The following ADGRG4 variants were observed in gnomAD, a reference collection of about 807,000 sequenced individuals.
ADGRG4 encodes G protein-coupled receptor 112.
In ADGRG4, 122 loss-of-function variants were observed where a neutral mutation model predicts 126.2. That is an observed-to-expected ratio of 0.97 (90% CI 0.83 to 1.12). ADGRG4 has a LOEUF of 1.12. Ranked by LOEUF, ADGRG4 falls within the 50% of genes most tolerant of loss-of-function variation. The pLI, the probability that ADGRG4 is intolerant of heterozygous loss-of-function variation, is 0.00. For synonymous variants in ADGRG4, 943 were observed against 838.7 expected, an observed-to-expected ratio of 1.12 and a Z score of -2.15; for missense variants, 2,481 against 2,251.8, an observed-to-expected ratio of 1.10 and a Z score of -2.06.
In ADGRG4 at chrX:136,349,500, A is replaced by G; in HGVS notation, c.5794A>G (p.Lys1932Glu). ...FTASQTGLVS[K>E]DVMAMSSIPM... ...AGCCTCTCAGACTGGTCTAGTATCTAAAGATGTCATGGCAATGTCATCAAT... is the reference window on the plus strand; with the variant it reads ...AGCCTCTCAGACTGGTCTAGTATCTGAAGATGTCATGGCAATGTCATCAAT... The change falls in exon 6 of 26, where the codon AAA becomes GAA. Residue 1932 changes from lysine (K) to glutamate (E), a missense_variant. Coordinates refer to ENST00000394143, the MANE Select transcript of ADGRG4 (RefSeq NM_153834.4). 1 of 1,205,421 alleles carries G rather than the reference A, an allele frequency of 8.3e-7. No individual in the cohort carries two copies. The highest frequency in any genetic ancestry group is 1.1e-6 in the Non-Finnish European group (1 of 889,791).
intron 4 of ADGRG4, among the ~76,000 whole-genome samples, chrX:136,314,312 A>G (rs1819664017): frequency 1.8e-5 from 2 of 111,664 alleles, no homozygotes; most frequent in South Asian, 7.6e-4. Flanking sequence ...TATCAAAATT[A>G]GAATATAATT....
At position 136,357,703 on chromosome X, in the gene ADGRG4, G is replaced by GT; in HGVS notation, c.6929dup (p.Leu2310PhefsTer35). The GT allele has an allele frequency of 8.4e-7, 1 of 1,183,644 alleles. No homozygotes were observed. Among genetic ancestry groups the GT allele is most frequent in the Non-Finnish European group, 1.1e-6 (1 of 871,419 alleles). ...GACTATGTACTTTTCTTTTGCATTA[G>GT]TTGGAACAGAGAGAAGGACAAGAAA... is the stretch of plus-strand genomic sequence containing the variant. On this transcript the variant is annotated frameshift_variant and splice_region_variant. Transcript: ENST00000394143. LOFTEE classifies it high-confidence loss of function.
rs1603300436 is a variant in ADGRG4 at position 136,399,952 on chromosome X, A to G, written c.8411A>G (p.Gln2804Arg). Residue 2804 changes from glutamine (Q) to arginine (R), a missense_variant, in exon 21 of 26, where the codon CAG becomes CGG. Coordinates refer to ENST00000394143, the MANE Select transcript of ADGRG4 (RefSeq NM_153834.4). ...FLINSWLSSF[Q>R]KVGVCITAAV... ...ATCAATTCTTGGTTGTCATCATTTC[A>G]GAAAGTGGGAGTTTGTATCACAGCT... is the stretch of plus-strand genomic sequence containing the variant. 3 of 1,211,219 alleles carry G rather than the reference A, an allele frequency of 2.5e-6. No homozygotes were observed. The highest frequency in any genetic ancestry group is 3.4e-6 in the Non-Finnish European group (3 of 894,892).
At chrX:136,395,285 A>C (rs1023341752) in intron 18 of ADGRG4, 105 bp from the exon 19 acceptor site, 180 of 451,563 alleles carry the variant, frequency 4.0e-4, no homozygotes, top group Non-Finnish European at 4.6e-4. Flanking sequence ...CTATCTCAGC[A>C]AATAATATTA....
intron 14 of ADGRG4, among the ~76,000 whole-genome samples, chrX:136,372,188 T>C (rs1290874610): frequency 8.9e-6 from 1 of 111,763 alleles, no homozygotes; most frequent in Non-Finnish European, 1.9e-5. Context: ...ATCCAACCAG[T>C]GCTAAAGTGG....
chrX:136,400,246 C>CT (rs953827422), intron 21 of ADGRG4, 130 bp downstream of exon 21: 50 of 522,947 alleles, frequency 9.6e-5, no homozygotes, highest in African/African-American at 4.0e-4. Flanking sequence ...GGGCATGCAT[C>CT]TTTTTTTTCT....
chrX:136,389,983 T>C (rs2075311079), intron 16 of ADGRG4, among the ~76,000 whole-genome samples: 1 of 112,460 alleles, frequency 8.9e-6, no homozygotes, highest in South Asian at 3.7e-4. Context: ...TTCGCACTAC[T>C]TTCTCTAATA....
intron 10 of ADGRG4, 101 bp from the exon 11 acceptor site, chrX:136,359,191 A>G: frequency 4.8e-6 from 3 of 631,432 alleles, no homozygotes; most frequent in Non-Finnish European, 7.3e-6. Context: ...ACATTTATGA[A>G]CTACCAATTA....
At position 136,308,804 on chromosome X, in the gene ADGRG4, G is replaced by A; in HGVS notation, c.27G>A (p.Lys9=). 1 of 1,176,914 alleles carries A rather than the reference G, an allele frequency of 8.5e-7. No homozygotes were observed. Among genetic ancestry groups the A allele is most frequent in the Middle Eastern group, 2.4e-4 (1 of 4,252 alleles). MKEHIIYQ[K]LYGLILMSSF... ...TGAAAGAACACATCATATATCAGAA[G>A]CTTTATGGATTGATTCTCATGTCGA... Residue 9 remains lysine (K), a synonymous_variant, in exon 4 of 26, where the codon AAG becomes AAA. Coordinates refer to ENST00000394143, the MANE Select transcript of ADGRG4 (RefSeq NM_153834.4).
intron 15 of ADGRG4, among the ~76,000 whole-genome samples, chrX:136,373,477 T>A (rs1196031356): frequency 1.8e-5 from 2 of 111,981 alleles, no homozygotes; most frequent in Non-Finnish European, 3.8e-5. Flanking sequence ...CCTGGGCCCT[T>A]TCCACCATAT....
intron 4 of ADGRG4, among the ~76,000 whole-genome samples, chrX:136,312,626 CTAAAA>C (rs753116826): frequency 6.3e-5 from 7 of 110,447 alleles, no homozygotes; most frequent in Admixed American, 9.7e-5. Flanking sequence ...AACCCTGTCC[CTAAAA>C]TAAAATAAAA....
At chrX:136,332,163 A>G (rs1317241537) in intron 5 of ADGRG4, among the ~76,000 whole-genome samples, 1 of 39,705 alleles carries the variant, frequency 2.5e-5, no homozygotes, top group Non-Finnish European at 4.6e-5. Flanking sequence ...CCCTCCCACC[A>G]CCCCACAACA....
intron 5 of ADGRG4, among the ~76,000 whole-genome samples, chrX:136,335,401 T>C (rs2074942980): frequency 9.1e-6 from 1 of 109,907 alleles, no homozygotes; most frequent in South Asian, 4.0e-4. Context: ...CCTTATAAAA[T>C]GTGTAGGAAA....
At chrX:136,325,028 A>T (rs1018281321) in intron 5 of ADGRG4, among the ~76,000 whole-genome samples, 1 of 111,825 alleles carries the variant, frequency 8.9e-6, no homozygotes, top group African/African-American at 3.2e-5. Flanking sequence ...TCTCTGCATA[A>T]TCCCACTCTG....
Position 136,392,286 on chromosome X carries a change from GAT to G in ADGRG4, c.7967_7968del (p.Asp2656GlyfsTer9). ...CTATGTTGTGAGTGCCAGCATTTCAGATGATATGTTCATTCAAAACTTAGCTG... is the reference window on the plus strand; with the variant it reads ...CTATGTTGTGAGTGCCAGCATTTCAGGATATGTTCATTCAAAACTTAGCTG... Reference protein sequence around the residue: ...TTYVVSASISDDMFIQNLADP... With the variant: ...TTYVVSASISXDMFIQNLADP... On this transcript the variant is annotated frameshift_variant, in exon 17 of 26. Transcript: ENST00000394143. LOFTEE classifies it high-confidence loss of function. The G allele has an allele frequency of 3.7e-6, 1 of 266,679 alleles. No individual in the cohort carries two copies. The highest frequency in any genetic ancestry group is 4.8e-6 in the Non-Finnish European group (1 of 210,002). 22.0% of individuals were successfully genotyped at this position (266,679 alleles called of 1,213,427 possible).
At position 136,322,997 on chromosome X, in the gene ADGRG4, A is replaced by C. The variant is rs763285664; in HGVS notation, c.290A>C (p.Gln97Pro). 8.3e-7 allele frequency: 1 copy of C among 1,211,969 alleles called. No homozygotes were observed. Among genetic ancestry groups the C allele is most frequent in the South Asian group, 1.8e-5 (1 of 57,000 alleles). The change falls in exon 5 of 26, where the codon CAG (glutamine) becomes CCG (proline). Residue 97 changes from glutamine to proline, a missense_variant. Physicochemically the swap from Gln to Pro is moderately conservative, Grantham distance 76. Transcript: ENST00000394143. ...GACCTTGGACTTGCAGGAGACCATC[A>C]GCAGCTAATACTATACAGATTGGGA... ...DIDLGLAGDH[Q>P]QLILYRLGKT... is the part of the protein sequence containing the mutation.
At chrX:136,358,687 T>C (rs1157411746) in intron 10 of ADGRG4, among the ~76,000 whole-genome samples, 1 of 111,790 alleles carries the variant, frequency 8.9e-6, no homozygotes, top group Admixed American at 9.5e-5. Flanking sequence ...ATTATTTCCC[T>C]GAGGCTGAGT....
chrX:136,387,959 C>T, intron 16 of ADGRG4, 85 bp downstream of exon 16: 1 of 930,001 alleles, frequency 1.1e-6, no homozygotes, highest in South Asian at 2.4e-5. Context: ...TCATGATGTT[C>T]TGCTTATTTT....
chrX:136,306,579 T>C (rs984962315), intron 3 of ADGRG4, among the ~76,000 whole-genome samples: 11 of 111,066 alleles, frequency 9.9e-5, no homozygotes, highest in African/African-American at 3.6e-4. Context: ...TTCCTTTGAT[T>C]TTTAAAAGTA....
Sources: gnomAD v4.1 joint callset for allele counts (sites outside exome capture counted in the v4.1 genomes callset) on GRCh38, gnomAD v4.1.1 for gene constraint, MANE v1.5 for transcripts, NCBI Gene and HGNC (gene_info 2026-07-23, HGNC 2026-07-21) for gene names.